The following RBP2 variants were observed in gnomAD, a reference collection of about 807,000 sequenced individuals.
The protein encoded by RBP2 is retinol binding protein 2.
A neutral mutation model predicts 17.0 loss-of-function variants in RBP2; 17 were observed. That is an observed-to-expected ratio of 1.00 (90% CI 0.68 to 1.50). RBP2 has a LOEUF of 1.50. RBP2 is among the 40% of genes most tolerant of loss of function. The pLI is 0.00. For missense variants in RBP2, 158 were observed against 168.2 expected, an observed-to-expected ratio of 0.94 and a Z score of 0.33; for synonymous variants, 48 against 57.1, an observed-to-expected ratio of 0.84 and a Z score of 0.72.
At chr3:139,471,821 T>C (rs947764175) in intron 1 of RBP2, among the ~76,000 whole-genome samples, 7 of 152,204 alleles carry the variant, frequency 4.6e-5, no homozygotes, top group Non-Finnish European at 8.8e-5. Context: ...CCAGGGTCAT[T>C]GTAACAACCT....
chr3:139,475,794 A>C (rs532339779), intron 1 of RBP2, among the ~76,000 whole-genome samples: 4 of 152,194 alleles, frequency 2.6e-5, no homozygotes, highest in South Asian at 2.1e-4. Flanking sequence ...CAGGGAACCC[A>C]CTCTGTGGTG....
rs574959633 is a variant in RBP2, at chr3:139,462,103, G to A, written c.252+9C>T. 34 of 1,613,120 alleles carry A rather than the reference G, an allele frequency of 2.1e-5. No homozygotes were observed. In the Admixed American group the frequency reaches 5.0e-4, roughly 24 times the overall value. ...TGTGTGAATGAAAAACACCAGCCCC[G>A]GTCAGTACCTTAACATGCCGGTTAT... On this transcript the variant is annotated intron_variant, in intron 2 of 3. Coordinates refer to ENST00000232217, the MANE Select transcript of RBP2 (RefSeq NM_004164.3).
chr3:139,466,151 G>T (rs942135981), intron 1 of RBP2, among the ~76,000 whole-genome samples: 1 of 152,122 alleles, frequency 6.6e-6, no homozygotes, highest in Non-Finnish European at 1.5e-5. Flanking sequence ...TCTTTAATAT[G>T]GGAAAGGTGC....
At chr3:139,463,024 G>C (rs991500597) in intron 1 of RBP2, among the ~76,000 whole-genome samples, 1 of 151,502 alleles carries the variant, frequency 6.6e-6, no homozygotes, top group African/African-American at 2.4e-5. Flanking sequence ...TGTAGAGATG[G>C]GGTTTCACCA....
intron 2 of RBP2, 30 bp downstream of exon 2, chr3:139,462,074 AGAATGTGT>A (rs1348251345): frequency 1.3e-6 from 2 of 1,578,314 alleles, no homozygotes; most frequent in Non-Finnish European, 1.7e-6. Context: ...CCCCTGGCAC[AGAATGTGT>A]GAATGAAAAA....
intron 1 of RBP2, among the ~76,000 whole-genome samples, chr3:139,473,661 CTG>C (rs764167072): frequency 1.1e-4 from 17 of 152,194 alleles, no homozygotes; most frequent in Non-Finnish European, 1.6e-4. Flanking sequence ...ATGGAGGAAA[CTG>C]TTGAGATCTG....
intron 1 of RBP2, among the ~76,000 whole-genome samples, chr3:139,463,310 C>T (rs1306085248): frequency 6.6e-6 from 1 of 152,106 alleles, no homozygotes; most frequent in Non-Finnish European, 1.5e-5. Context: ...CCTCAGCCTC[C>T]CAAGTAGCTG....
intron 2 of RBP2, among the ~76,000 whole-genome samples, chr3:139,458,184 C>T (rs1419736851): frequency 2.1e-5 from 3 of 145,262 alleles, no homozygotes; most frequent in Non-Finnish European, 4.5e-5. Context: ...TGGAATTACT[C>T]GCCAACACTT....
chr3:139,460,813 C>T (rs995993086), intron 2 of RBP2, among the ~76,000 whole-genome samples: 5 of 152,190 alleles, frequency 3.3e-5, no homozygotes, highest in African/African-American at 9.7e-5. Flanking sequence ...CAGCTCTGTC[C>T]TCCCTCAGTT....
chr3:139,466,820 T>G (rs1265303757), intron 1 of RBP2: 1 of 152,254 alleles, frequency 6.6e-6, no homozygotes, highest in Non-Finnish European at 1.5e-5. Context: ...TAGTTCTTTG[T>G]GTTTTCCCAC....
At chr3:139,475,540 C>T (rs541613267) in intron 1 of RBP2, among the ~76,000 whole-genome samples, 2 of 152,216 alleles carry the variant, frequency 1.3e-5, no homozygotes, top group South Asian at 4.2e-4. Context: ...TGCCGTTTCT[C>T]TCATTCTGCA....
chr3:139,473,167 G>A (rs1389865570), intron 1 of RBP2, among the ~76,000 whole-genome samples: 1 of 152,234 alleles, frequency 6.6e-6, no homozygotes. Flanking sequence ...GAAAGAATCT[G>A]GGGTGAGAAA....
At chr3:139,462,042 C>A in intron 2 of RBP2, 70 bp downstream of exon 2, 1 of 1,478,818 alleles carries the variant, frequency 6.8e-7, no homozygotes. Flanking sequence ...TTTTTTTTTT[C>A]ATCATGATAC....
intron 1 of RBP2, among the ~76,000 whole-genome samples, chr3:139,473,196 G>C: frequency 6.6e-6 from 1 of 152,198 alleles, no homozygotes; most frequent in Non-Finnish European, 1.5e-5. Flanking sequence ...GCCTAAGAAG[G>C]CAGGAGAGGA....
At chr3:139,471,874 T>C (rs1252116269) in intron 1 of RBP2, among the ~76,000 whole-genome samples, 2 of 152,254 alleles carry the variant, frequency 1.3e-5, no homozygotes, top group Admixed American at 1.3e-4. Context: ...ACTCTATCTC[T>C]GTTAGAGTGA....
chr3:139,453,034 C>T lies in RBP2; in HGVS notation c.*82G>A. On this transcript the variant is annotated 3_prime_UTR_variant, in exon 4 of 4. Coordinates refer to ENST00000232217, the MANE Select transcript of RBP2 (RefSeq NM_004164.3). ...GGGCTCTGTCAAGAGTGGGAAGGTC[C>T]CCACAGCTGTTTCTCAAAGCCAGTA... 1 of 1,535,512 alleles carries T rather than the reference C, an allele frequency of 6.5e-7. No individual in the cohort carries two copies. Among genetic ancestry groups the T allele is most frequent in the Non-Finnish European group, 9.0e-7 (1 of 1,108,974 alleles).
intron 1 of RBP2, chr3:139,466,550 T>G (rs2107877268): frequency 1.3e-5 from 2 of 152,380 alleles, no homozygotes; most frequent in Middle Eastern, 3.4e-3. Flanking sequence ...CTCCAGCTGA[T>G]ATTTCTCTCC....
intron 2 of RBP2, among the ~76,000 whole-genome samples, chr3:139,455,067 A>G (rs1038502321): frequency 6.6e-6 from 1 of 152,142 alleles, no homozygotes; most frequent in Non-Finnish European, 1.5e-5. Context: ...CTACTCTTCC[A>G]TTTTTCCTTA....
chr3:139,460,899 G>A (rs763788870), intron 2 of RBP2, among the ~76,000 whole-genome samples: 21 of 152,162 alleles, frequency 1.4e-4, no homozygotes, highest in Non-Finnish European at 2.6e-4. Flanking sequence ...ATACTGCCCA[G>A]CCTTGTATAA....
Sources: gnomAD v4.1 joint callset for allele counts (sites outside exome capture counted in the v4.1 genomes callset) on GRCh38, gnomAD v4.1.1 for gene constraint, MANE v1.5 for transcripts, NCBI Gene and HGNC (gene_info 2026-07-23, HGNC 2026-07-21) for gene names.